TMEM217: variants seen among roughly 807,000 people sequenced by gnomAD.
The protein encoded by TMEM217 is transmembrane protein 217.
For synonymous variants in TMEM217, 76 were observed against 88.3 expected, an observed-to-expected ratio of 0.86 and a Z score of 0.78; for missense variants, 204 against 248.8, an observed-to-expected ratio of 0.82 and a Z score of 1.21.
At chr6:37,213,416 A>C (rs1763012582), downstream of TMEM217, among the ~76,000 whole-genome samples, 1 of 152,196 alleles carries the variant, frequency 6.6e-6, no homozygotes, top group Non-Finnish European at 1.5e-5. Flanking sequence ...AGGGCTTGGA[A>C]TCATCCCTGA....
At chr6:37,247,066 T>A (rs906173675) in intron 1 of TMEM217, among the ~76,000 whole-genome samples, 2 of 152,170 alleles carry the variant, frequency 1.3e-5, no homozygotes, top group Non-Finnish European at 2.9e-5. Context: ...GATCTGGTCA[T>A]GTCATGTCCC....
At chr6:37,213,063 G>A, downstream of TMEM217, 1 of 1,049,808 alleles carries the variant, frequency 9.5e-7, no homozygotes, top group Non-Finnish European at 1.4e-6. Flanking sequence ...AATCCCCCAA[G>A]TCACTAGATA....
intron 1 of TMEM217, among the ~76,000 whole-genome samples, chr6:37,248,806 A>C (rs1765233659): frequency 6.6e-6 from 1 of 152,198 alleles, no homozygotes; most frequent in Non-Finnish European, 1.5e-5. Flanking sequence ...TGAGCTTCCT[A>C]GGACTTCTCT....
intron 1 of TMEM217, among the ~76,000 whole-genome samples, chr6:37,238,816 T>G (rs1764617971): frequency 1.3e-5 from 2 of 152,218 alleles, no homozygotes; most frequent in Non-Finnish European, 2.9e-5. Flanking sequence ...TTCTTCTAAG[T>G]ATTGATATAT....
At chr6:37,230,471 T>G (rs1322927266) in intron 1 of TMEM217, among the ~76,000 whole-genome samples, 1 of 152,134 alleles carries the variant, frequency 6.6e-6, no homozygotes, top group African/African-American at 2.4e-5. Context: ...AGAGGGTCTT[T>G]AAAGAGGTAA....
intron 1 of TMEM217, among the ~76,000 whole-genome samples, chr6:37,223,654 G>A (rs1371604694): frequency 1.3e-5 from 2 of 151,968 alleles, no homozygotes; most frequent in East Asian, 1.9e-4. Flanking sequence ...GATTACAAGC[G>A]TGTGCCACCA....
chr6:37,219,923 G>A (rs112247820), intron 1 of TMEM217, among the ~76,000 whole-genome samples: 92 of 152,196 alleles, frequency 6.0e-4, no homozygotes, highest in African/African-American at 2.0e-3. Context: ...TTGGGCAATC[G>A]CTTCTCTACT....
chr6:37,222,298 C>G (rs887320465), intron 1 of TMEM217, among the ~76,000 whole-genome samples: 1 of 152,220 alleles, frequency 6.6e-6, no homozygotes, highest in Admixed American at 6.5e-5. Flanking sequence ...GGAATCGATA[C>G]GCCTCCCGCT....
intron 1 of TMEM217, among the ~76,000 whole-genome samples, chr6:37,233,990 AT>A (rs1439352104): frequency 6.6e-6 from 1 of 151,856 alleles, no homozygotes; most frequent in African/African-American, 2.4e-5. Context: ...TAGTCTTTGT[AT>A]TTTTTTATTA....
At chr6:37,234,316 T>C (rs1189203626) in intron 1 of TMEM217, among the ~76,000 whole-genome samples, 1 of 152,116 alleles carries the variant, frequency 6.6e-6, no homozygotes, top group East Asian at 1.9e-4. Context: ...GCCAGGCTGG[T>C]CTCGAACTCC....
At chr6:37,223,322 A>G (rs1261260700) in intron 1 of TMEM217, among the ~76,000 whole-genome samples, 2 of 152,222 alleles carry the variant, frequency 1.3e-5, no homozygotes, top group Admixed American at 6.5e-5. Flanking sequence ...TATGGTACTC[A>G]AACTATGGAA....
chr6:37,252,617 G>GTATATA (rs59057594), intron 1 of TMEM217, among the ~76,000 whole-genome samples: 21 of 112,296 alleles, frequency 1.9e-4, no homozygotes, highest in Non-Finnish European at 2.8e-4. Context: ...GTATGTGTGT[G>GTATATA]TATATATATA....
chr6:37,233,034 G>A (rs1206144063), intron 1 of TMEM217, among the ~76,000 whole-genome samples: 3 of 152,078 alleles, frequency 2.0e-5, no homozygotes, highest in African/African-American at 7.2e-5. Context: ...CACTACACTG[G>A]TGACTCCCAA....
intron 1 of TMEM217, among the ~76,000 whole-genome samples, chr6:37,228,434 T>C (rs1021618880): frequency 9.2e-5 from 14 of 152,374 alleles, no homozygotes; most frequent in South Asian, 6.2e-4. Context: ...CCAGGCGTGA[T>C]GGCTCACGCT....
chr6:37,257,345 T>C (rs1765810290), intron 1 of TMEM217, among the ~76,000 whole-genome samples: 1 of 152,162 alleles, frequency 6.6e-6, no homozygotes, highest in African/African-American at 2.4e-5. Context: ...CGAATGGACA[T>C]GTAAACGGAA....
chr6:37,237,422 C>A (rs1482106308), intron 1 of TMEM217, among the ~76,000 whole-genome samples: 1 of 152,160 alleles, frequency 6.6e-6, no homozygotes, highest in Non-Finnish European at 1.5e-5. Flanking sequence ...TCTCTGGTAG[C>A]CCACTGTAAA....
At chr6:37,214,263 T>C (rs166395), downstream of TMEM217, among the ~76,000 whole-genome samples, 119,123 of 152,098 alleles carry the variant, frequency 0.78, 46,761 homozygotes, top group East Asian at 0.89. Flanking sequence ...AGTCTTGCTC[T>C]GTCACCCAGG....
chr6:37,212,915 T>A, downstream of TMEM217: 1 of 1,548,638 alleles, frequency 6.5e-7, no homozygotes, highest in Middle Eastern at 1.7e-4. Context: ...AAGAACTGGG[T>A]GGTATTAAGG....
At chr6:37,240,663 C>T (rs1230174804) in intron 1 of TMEM217, among the ~76,000 whole-genome samples, 1 of 152,156 alleles carries the variant, frequency 6.6e-6, no homozygotes, top group Non-Finnish European at 1.5e-5. Flanking sequence ...ATTATTGAGG[C>T]AAACTTGAGG....
Sources: gnomAD v4.1 joint callset for allele counts (sites outside exome capture counted in the v4.1 genomes callset) on GRCh38, gnomAD v4.1.1 for gene constraint, MANE v1.5 for transcripts, NCBI Gene and HGNC (gene_info 2026-07-23, HGNC 2026-07-21) for gene names.